The following DMD variants were observed in gnomAD, a reference collection of about 807,000 sequenced individuals.
DMD encodes the protein dystrophin.
A neutral mutation model predicts 330.1 loss-of-function variants in DMD; 63 were observed. The ratio of observed to expected loss-of-function variants is 0.19; its 90% confidence interval spans 0.16 to 0.24. DMD has a LOEUF of 0.24. Among genes scored for constraint, DMD ranks in the 10% least tolerant of loss-of-function variants. The pLI, the probability that DMD is intolerant of heterozygous loss-of-function variation, is 1.00. For synonymous variants in DMD, 1,223 were observed against 959.8 expected (o/e 1.27, Z -5.07); for missense variants, 3,344 against 2,684.1 (o/e 1.25, Z -5.43).
intron 51 of DMD, among the ~76,000 whole-genome samples, chrX:31,735,476 G>A (rs1178770280): frequency 4.5e-5 from 5 of 111,713 alleles, no homozygotes; most frequent in Non-Finnish European, 9.4e-5. Flanking sequence ...ATGTGTAACT[G>A]TCAATTATTG....
intron 43 of DMD, among the ~76,000 whole-genome samples, chrX:32,232,975 G>A (rs918529885): frequency 8.9e-6 from 1 of 112,331 alleles, no homozygotes; most frequent in South Asian, 3.7e-4. Context: ...CACTAGAAAT[G>A]CTTCCTAAAC....
chrX:31,678,611 AAG>A (rs1161546488), intron 53 of DMD, among the ~76,000 whole-genome samples: 8 of 111,648 alleles, frequency 7.2e-5, no homozygotes. Flanking sequence ...GAAAGAAGAG[AAG>A]AATGAGCTGG....
intron 2 of DMD, among the ~76,000 whole-genome samples, chrX:32,870,092 CA>C (rs1004129528): frequency 1.8e-5 from 2 of 111,824 alleles, no homozygotes; most frequent in Non-Finnish European, 3.8e-5. Context: ...GCAAATTCAG[CA>C]AAGTCTCAGG....
At chrX:32,447,832 A>C (rs2098311975) in intron 27 of DMD, among the ~76,000 whole-genome samples, 1 of 111,661 alleles carries the variant, frequency 9.0e-6, no homozygotes, top group Admixed American at 9.5e-5. Flanking sequence ...CATTTGAGGC[A>C]CCTGCTTTCT....
chrX:32,217,750 C>T (rs1335736338), intron 43 of DMD, among the ~76,000 whole-genome samples: 1 of 110,638 alleles, frequency 9.0e-6, no homozygotes, highest in Non-Finnish European at 1.9e-5. Context: ...CACACTGTAC[C>T]CCATAAATAC....
At chrX:32,911,764 G>A (rs1328111746) in intron 2 of DMD, among the ~76,000 whole-genome samples, 2 of 111,598 alleles carry the variant, frequency 1.8e-5, no homozygotes, top group Non-Finnish European at 3.8e-5. Context: ...ATTTAAATTG[G>A]TGTAACCAAT....
chrX:33,175,057 T>C (rs1310499401), intron 1 of DMD, among the ~76,000 whole-genome samples: 1 of 112,147 alleles, frequency 8.9e-6, no homozygotes, highest in East Asian at 2.8e-4. Flanking sequence ...TGTAGTTCTT[T>C]GAGATGATCG....
chrX:33,010,573 A>T (rs761664854), intron 2 of DMD, among the ~76,000 whole-genome samples: 2 of 110,512 alleles, frequency 1.8e-5, no homozygotes, highest in Admixed American at 1.9e-4. Flanking sequence ...TCCAAACGAA[A>T]ATCCAAAATT....
chrX:31,458,716 G>T (rs1173870704), intron 59 of DMD, among the ~76,000 whole-genome samples: 2 of 110,084 alleles, frequency 1.8e-5, no homozygotes, highest in Non-Finnish European at 3.8e-5. Flanking sequence ...GTAGGAAAAA[G>T]AGTTCAAAAC....
intron 2 of DMD, among the ~76,000 whole-genome samples, chrX:32,900,599 C>A (rs756759949): frequency 3.0e-4 from 34 of 111,489 alleles, no homozygotes; most frequent in Non-Finnish European, 6.0e-4. Context: ...ACCACCTCAG[C>A]CTCCCAAAAC....
At chrX:33,003,959 T>C (rs771983913) in intron 2 of DMD, among the ~76,000 whole-genome samples, 5 of 112,404 alleles carry the variant, frequency 4.4e-5, no homozygotes, top group African/African-American at 6.5e-5. Context: ...AGAGAGAAAC[T>C]AAATCACATT....
intron 2 of DMD, among the ~76,000 whole-genome samples, chrX:32,944,581 A>G (rs2090655612): frequency 9.2e-6 from 1 of 108,203 alleles, no homozygotes; most frequent in Non-Finnish European, 1.9e-5. Flanking sequence ...TTGTTTCACT[A>G]ATCTGTTTGT....
intron 30 of DMD, among the ~76,000 whole-genome samples, chrX:32,393,571 C>G (rs957796403): frequency 1.8e-5 from 2 of 111,321 alleles, no homozygotes; most frequent in Admixed American, 9.6e-5. Flanking sequence ...AGTGAGTTTG[C>G]ATTTTAATAA....
chrX:31,557,909 C>T (rs1255042683), intron 55 of DMD, among the ~76,000 whole-genome samples: 2 of 110,847 alleles, frequency 1.8e-5, no homozygotes, highest in Non-Finnish European at 3.8e-5. Flanking sequence ...TGCCACCATT[C>T]CCTGCTATAT....
intron 76 of DMD, among the ~76,000 whole-genome samples, chrX:31,138,564 A>G (rs1341756560): frequency 1.9e-5 from 2 of 107,127 alleles, no homozygotes; most frequent in Admixed American, 1.0e-4. Flanking sequence ...CCTCATGATT[A>G]TAAGTTTAGA....
In DMD at chrX:31,506,202, A is replaced by C. The variant is rs186379949; in HGVS notation, c.8390+1079T>G. On this transcript the variant is annotated intron_variant, in intron 56 of 78. Transcript: ENST00000357033. ...TTACAATAGTGCTTCTGAATTACTA[A>C]AAATGCAGATTTTCCTCCTTATAGA... Among the ~76,000 whole-genome samples the C allele has an allele frequency of 6.9e-3, 765 of 111,614 alleles. 9 individuals carry two copies. The highest frequency in any genetic ancestry group is 0.023 in the African/African-American group (711 of 30,721).
At chrX:31,735,464 GA>G (rs2086801903) in intron 51 of DMD, among the ~76,000 whole-genome samples, 1 of 111,628 alleles carries the variant, frequency 9.0e-6, no homozygotes, top group Admixed American at 9.6e-5. Flanking sequence ...ACTACTACCT[GA>G]ATGTGTAACT....
intron 50 of DMD, among the ~76,000 whole-genome samples, chrX:31,794,718 CTTTTT>C (rs373671829): frequency 1.0e-5 from 1 of 99,505 alleles, no homozygotes; most frequent in African/African-American, 3.6e-5. Flanking sequence ...GCTAGTTCCT[CTTTTT>C]TTTTTTTTTA....
chrX:32,817,119 C>T (rs2077824357), intron 5 of DMD, among the ~76,000 whole-genome samples: 1 of 111,866 alleles, frequency 8.9e-6, no homozygotes, highest in Non-Finnish European at 1.9e-5. Flanking sequence ...CTCTTCTAGG[C>T]CTCATTTCTG....
Sources: gnomAD v4.1 joint callset for allele counts (sites outside exome capture counted in the v4.1 genomes callset) on GRCh38, gnomAD v4.1.1 for gene constraint, MANE v1.5 for transcripts, NCBI Gene and HGNC (gene_info 2026-07-23, HGNC 2026-07-21) for gene names.